Variants in RAP1GDS1 observed in about 807,000 individuals in gnomAD.
RAP1GDS1 encodes the protein RAP1, GTP-GDP dissociation stimulator 1.
In RAP1GDS1, 35 loss-of-function variants were observed where a neutral mutation model predicts 71.1. That is an observed-to-expected ratio of 0.49 (90% CI 0.38 to 0.65). The LOEUF is 0.65. RAP1GDS1 is among the 30% of genes least tolerant of loss of function. The pLI, the probability that RAP1GDS1 is intolerant of heterozygous loss-of-function variation, is 0.00. For synonymous variants in RAP1GDS1, 229 were observed against 243.1 expected (o/e 0.94, Z 0.54); for missense variants, 663 against 706.1 (o/e 0.94, Z 0.69).
intron 14 of RAP1GDS1, among the ~76,000 whole-genome samples, chr4:98,438,914 A>G (rs576805234): frequency 2.6e-5 from 4 of 152,198 alleles, no homozygotes; most frequent in Admixed American, 2.6e-4. Context: ...CACGTATATC[A>G]TTCTTAAATA....
chr4:98,411,625 C>A (rs1747071713), intron 7 of RAP1GDS1, among the ~76,000 whole-genome samples: 1 of 152,152 alleles, frequency 6.6e-6, no homozygotes, highest in Admixed American at 6.5e-5. Context: ...TAACCTATAA[C>A]TTTCCTTGCA....
chr4:98,346,227 A>G (rs1736224450), intron 3 of RAP1GDS1, among the ~76,000 whole-genome samples: 1 of 152,148 alleles, frequency 6.6e-6, no homozygotes, highest in Non-Finnish European at 1.5e-5. Context: ...GTACTTTATC[A>G]TATTGCAAAG....
At chr4:98,283,951 A>C (rs1725602801) in intron 1 of RAP1GDS1, among the ~76,000 whole-genome samples, 1 of 152,042 alleles carries the variant, frequency 6.6e-6, no homozygotes, top group Admixed American at 6.6e-5. Flanking sequence ...AGGTACAGAC[A>C]GTCCTTTGCA....
At chr4:98,292,676 A>G (rs1042689381) in intron 1 of RAP1GDS1, among the ~76,000 whole-genome samples, 3 of 152,140 alleles carry the variant, frequency 2.0e-5, no homozygotes, top group African/African-American at 7.2e-5. Context: ...TATAATTGTT[A>G]CATTTAAGTA....
intron 13 of RAP1GDS1, 78 bp from the exon 14 acceptor site, chr4:98,436,862 A>G (rs191271022): frequency 0.016 from 21,521 of 1,380,124 alleles, 199 homozygotes; most frequent in South Asian, 0.021. Flanking sequence ...CGTATGGTCA[A>G]TTTCTTCAAA....
intron 1 of RAP1GDS1, among the ~76,000 whole-genome samples, chr4:98,265,449 C>T (rs1722597685): frequency 6.6e-6 from 1 of 152,140 alleles, no homozygotes; most frequent in Non-Finnish European, 1.5e-5. Context: ...ATTTCTAACA[C>T]TAGTGTCTGG....
At chr4:98,288,275 T>A (rs1299632992) in intron 1 of RAP1GDS1, among the ~76,000 whole-genome samples, 1 of 152,138 alleles carries the variant, frequency 6.6e-6, no homozygotes, top group East Asian at 1.9e-4. Flanking sequence ...AGTGAGAACA[T>A]GCGGTGTTTG....
chr4:98,338,144 A>G (rs1254343751), intron 2 of RAP1GDS1, among the ~76,000 whole-genome samples: 1 of 152,144 alleles, frequency 6.6e-6, no homozygotes, highest in African/African-American at 2.4e-5. Flanking sequence ...GTGAAATGGA[A>G]TCTATGGGAC....
intron 2 of RAP1GDS1, among the ~76,000 whole-genome samples, chr4:98,298,320 A>G (rs568243745): frequency 6.6e-6 from 1 of 152,340 alleles, no homozygotes; most frequent in Admixed American, 6.5e-5. Context: ...GATTTTCAGT[A>G]TAGATGAAAC....
chr4:98,282,456 T>C (rs1008074506), intron 1 of RAP1GDS1, among the ~76,000 whole-genome samples: 10 of 152,172 alleles, frequency 6.6e-5, no homozygotes, highest in Non-Finnish European at 1.2e-4. Context: ...GGTGGTGATA[T>C]CCTCTTTATC....
At chr4:98,338,874 G>C (rs1389240946) in intron 2 of RAP1GDS1, among the ~76,000 whole-genome samples, 1 of 152,000 alleles carries the variant, frequency 6.6e-6, no homozygotes. Context: ...GTTTATTGTA[G>C]TAGCATACCT....
Position 98,401,635 on chromosome 4 carries a change from AG to A in RAP1GDS1, c.638-2841del, listed in dbSNP as rs137934251. Among the ~76,000 whole-genome samples, 1,369 of 152,336 alleles carry A rather than the reference AG, an allele frequency of 9.0e-3. 21 individuals are homozygous for A. Among genetic ancestry groups the A allele is most frequent in the African/African-American group, 0.031 (1,276 of 41,586 alleles). On this transcript the variant is annotated intron_variant, in intron 6 of 14. Coordinates refer to ENST00000408927, the MANE Select transcript of RAP1GDS1 (RefSeq NM_001100427.2). ...AGAGTTGTAATAAAAATAAAACCTTAGTAAATGAGGCTTCTTGCCAAAGGCC... is the reference window on the plus strand; with the variant it reads ...AGAGTTGTAATAAAAATAAAACCTTATAAATGAGGCTTCTTGCCAAAGGCC...
chr4:98,307,843 T>C (rs1223460691), intron 2 of RAP1GDS1, among the ~76,000 whole-genome samples: 3 of 152,324 alleles, frequency 2.0e-5, no homozygotes, highest in African/African-American at 4.8e-5. Context: ...AAAGCCGACT[T>C]ACTGTATTGG....
chr4:98,361,140 G>A (rs6828936), intron 4 of RAP1GDS1, among the ~76,000 whole-genome samples: 2 of 149,836 alleles, frequency 1.3e-5, no homozygotes, highest in Admixed American at 6.7e-5. Context: ...GTTTTTACCC[G>A]TTGAGAAACT....
chr4:98,333,234 C>G (rs1734240739), intron 2 of RAP1GDS1, among the ~76,000 whole-genome samples: 1 of 151,966 alleles, frequency 6.6e-6, no homozygotes, highest in Non-Finnish European at 1.5e-5. Context: ...AAATGATTAT[C>G]TCAATAGCGA....
intron 7 of RAP1GDS1, among the ~76,000 whole-genome samples, chr4:98,405,264 T>C (rs1013246909): frequency 6.6e-6 from 1 of 152,134 alleles, no homozygotes; most frequent in Non-Finnish European, 1.5e-5. Context: ...AAAAGTGGCA[T>C]AGCAGATTTA....
intron 5 of RAP1GDS1, among the ~76,000 whole-genome samples, chr4:98,383,989 T>C (rs1414234592): frequency 6.6e-6 from 1 of 151,614 alleles, no homozygotes; most frequent in Non-Finnish European, 1.5e-5. Context: ...GTTAATAATT[T>C]ATATATTTCC....
intron 2 of RAP1GDS1, among the ~76,000 whole-genome samples, chr4:98,314,778 G>A (rs1335729050): frequency 6.6e-6 from 1 of 152,150 alleles, no homozygotes; most frequent in Non-Finnish European, 1.5e-5. Context: ...TAGAAACAGA[G>A]ATATGGATTC....
At chr4:98,435,756 A>G (rs1009594706) in intron 13 of RAP1GDS1, among the ~76,000 whole-genome samples, 2 of 152,010 alleles carry the variant, frequency 1.3e-5, no homozygotes, top group Non-Finnish European at 2.9e-5. Flanking sequence ...TTGTAGTTCT[A>G]TATTTTACAT....
Sources: gnomAD v4.1 joint callset for allele counts (sites outside exome capture counted in the v4.1 genomes callset) on GRCh38, gnomAD v4.1.1 for gene constraint, MANE v1.5 for transcripts, NCBI Gene and HGNC (gene_info 2026-07-23, HGNC 2026-07-21) for gene names.